The following PTPN12 variants were observed in gnomAD, a reference collection of about 807,000 sequenced individuals.
The protein encoded by PTPN12 is protein tyrosine phosphatase non-receptor type 12, also known as tyrosine-protein phosphatase non-receptor type 12.
In PTPN12, 29 loss-of-function variants were observed where a neutral mutation model predicts 97.6. The ratio of observed to expected loss-of-function variants is 0.30; its 90% CI spans 0.22 to 0.41. PTPN12 has a LOEUF of 0.41. Among genes scored for constraint, PTPN12 ranks in the 10% least tolerant of loss-of-function variants. The probability of loss-of-function intolerance (pLI) is 1.00; values close to 1 mark genes in which losing one functional copy is unlikely to be tolerated. For missense variants in PTPN12, 819 were observed against 926.0 expected (o/e 0.88, Z 1.50); for synonymous variants, 327 against 300.4 (o/e 1.09, Z -0.91).
intron 2 of PTPN12, among the ~76,000 whole-genome samples, chr7:77,578,345 A>G (rs540536505): frequency 2.3e-4 from 35 of 152,184 alleles, no homozygotes; most frequent in Non-Finnish European, 4.9e-4. Context: ...TTGTATGTGT[A>G]TTTCCTATCC....
chr7:77,627,211 C>T lies in PTPN12; in HGVS notation c.1532C>T (p.Pro511Leu), dbSNP rs1390610275. The T allele has an allele frequency of 5.6e-6, 9 of 1,613,990 alleles. No homozygotes were observed. The highest frequency in any genetic ancestry group is 7.6e-6 in the Non-Finnish European group (9 of 1,180,012). Residue 511 changes from proline (P) to leucine (L), a missense_variant, in exon 13 of 18, where the codon CCA becomes CTA. This residue lies in a region of PTPN12 where 607 missense variants were observed against 577.3 expected (regional missense o/e 1.05). Coordinates refer to ENST00000248594, the MANE Select transcript of PTPN12 (RefSeq NM_002835.4). ...TQSNKVSVTP[P>L]EESQNSDTPP... ...TCAAACAAAGTTTCAGTTACTCCAC[C>T]AGAAGAATCCCAGAATTCAGACACA... is the stretch of plus-strand genomic sequence containing the variant.
chr7:77,592,370 A>C (rs1787896613), intron 6 of PTPN12, 114 bp downstream of exon 6: 2 of 850,284 alleles, frequency 2.4e-6, no homozygotes, highest in Admixed American at 3.3e-5. Flanking sequence ...GGACTCACAA[A>C]CCTATGCTTA....
intron 1 of PTPN12, among the ~76,000 whole-genome samples, chr7:77,540,727 T>A (rs1356456473): frequency 6.6e-6 from 1 of 151,896 alleles, no homozygotes; most frequent in African/African-American, 2.4e-5. Flanking sequence ...CTTTTTCCCC[T>A]GACTGGAAGG....
chr7:77,585,257 T>C lies in PTPN12; in HGVS notation c.382-286T>C, dbSNP rs111853248. 763 of 229,622 alleles carry C rather than the reference T, an allele frequency of 3.3e-3. 8 individuals are homozygous for C. The highest frequency in any genetic ancestry group is 0.014 in the African/African-American group (638 of 44,190). The allele number at this position is 229,622 out of a possible 1,614,324, so 14.2% of individuals were successfully genotyped here. ...TCCTAAAAGTGATATTTTAATATAA[T>C]TTCAGAAGTCACAAAGTAAATCTGT... On this transcript the variant is annotated intron_variant, in intron 4 of 17. Transcript: ENST00000248594.
intron 13 of PTPN12, among the ~76,000 whole-genome samples, chr7:77,630,523 A>G (rs1010186901): frequency 3.3e-5 from 5 of 152,242 alleles, no homozygotes; most frequent in Admixed American, 1.3e-4. Context: ...ATACTCAACA[A>G]TTGTAACACA....
chr7:77,571,794 A>G (rs1419769809), intron 2 of PTPN12, among the ~76,000 whole-genome samples: 1 of 151,914 alleles, frequency 6.6e-6, no homozygotes, highest in African/African-American at 2.4e-5. Flanking sequence ...CTGAGCTCAT[A>G]CGATCCTCCC....
chr7:77,617,440 C>G (rs1584198534), intron 11 of PTPN12, among the ~76,000 whole-genome samples: 1 of 152,194 alleles, frequency 6.6e-6, no homozygotes, highest in East Asian at 1.9e-4. Context: ...ATAGGGTGCA[C>G]TTAAAATTGC....
intron 12 of PTPN12, among the ~76,000 whole-genome samples, chr7:77,625,496 T>C (rs1379376165): frequency 9.7e-6 from 1 of 103,506 alleles, no homozygotes; most frequent in Non-Finnish European, 2.0e-5. Context: ...TCTCTCTCTC[T>C]CTCTCTCTCT....
In PTPN12 at chr7:77,592,250, T is replaced by C; in HGVS notation, c.486T>C (p.Ile162=). 6.2e-7 allele frequency: 1 copy of C among 1,607,756 alleles called. No homozygotes were observed. Among genetic ancestry groups the C allele is most frequent in the Non-Finnish European group, 8.5e-7 (1 of 1,177,972 alleles). Residue 162 remains isoleucine, a synonymous_variant, in exon 6 of 18, where the codon ATT becomes ATC. Transcript: ENST00000248594. ...EDPITFAPFK[I]SCEDEQARTD... ...CCATAACGTTTGCACCATTTAAAATTTCTTGTGTAAGTATCCATTTTTGTA... is the reference window on the plus strand; with the variant it reads ...CCATAACGTTTGCACCATTTAAAATCTCTTGTGTAAGTATCCATTTTTGTA...
intron 12 of PTPN12, among the ~76,000 whole-genome samples, chr7:77,623,771 G>A (rs748584573): frequency 5.9e-5 from 9 of 152,112 alleles, no homozygotes; most frequent in East Asian, 1.9e-4. Context: ...CCATGTACAC[G>A]TAGGGAAAAT....
In PTPN12 at chr7:77,638,815, C is replaced by G. The variant is rs183049477; in HGVS notation, c.2281+84C>G. On this transcript the variant is annotated intron_variant, in intron 17 of 17. Transcript: ENST00000248594. ...GCTCATTTGCCATTGTGAAATGACA[C>G]TTGCCAAGAATAAAACATGATTTTC... is the stretch of plus-strand genomic sequence containing the variant. 12,932 of 1,474,628 alleles carry G rather than the reference C, an allele frequency of 8.8e-3. 73 individuals carry two copies. Among genetic ancestry groups the G allele is most frequent in the Non-Finnish European group, 0.01 (11,567 of 1,117,122 alleles). 91.3% of individuals were successfully genotyped at this position (1,474,628 alleles called of 1,614,324 possible).
At chr7:77,551,183 C>T (rs1011452212) in intron 1 of PTPN12, among the ~76,000 whole-genome samples, 2 of 152,172 alleles carry the variant, frequency 1.3e-5, no homozygotes. Flanking sequence ...GCCTCAGCCT[C>T]CCAAGTAGCT....
chr7:77,541,900 T>C (rs1394500112), intron 1 of PTPN12, among the ~76,000 whole-genome samples: 2 of 152,204 alleles, frequency 1.3e-5, no homozygotes, highest in African/African-American at 4.8e-5. Flanking sequence ...AATAGCTAAT[T>C]TGTGGCTGAT....
intron 3 of PTPN12, among the ~76,000 whole-genome samples, chr7:77,582,055 G>A (rs1185386247): frequency 7.1e-6 from 1 of 141,098 alleles, no homozygotes; most frequent in Non-Finnish European, 1.5e-5. Flanking sequence ...CCTTTGTTTG[G>A]ATACCCTTTG....
intron 7 of PTPN12, among the ~76,000 whole-genome samples, chr7:77,598,434 C>G (rs1788089698): frequency 6.6e-6 from 1 of 152,154 alleles, no homozygotes; most frequent in African/African-American, 2.4e-5. Flanking sequence ...TAATCCCCAA[C>G]ACTTTGGGTG....
At chr7:77,627,748 T>A in intron 13 of PTPN12, 73 bp downstream of exon 13, 1 of 1,380,948 alleles carries the variant, frequency 7.2e-7, no homozygotes, top group Non-Finnish European at 9.5e-7. Context: ...TTTAGCTGTA[T>A]TGATTTATTA....
At chr7:77,629,939 C>CA (rs1168132976) in intron 13 of PTPN12, among the ~76,000 whole-genome samples, 33,813 of 98,516 alleles carry the variant, frequency 0.34, 4,821 homozygotes, top group Middle Eastern at 0.41. Flanking sequence ...GACCCTGTCT[C>CA]AAAAAAAAAA....
At chr7:77,542,428 A>G (rs1807023069) in intron 1 of PTPN12, among the ~76,000 whole-genome samples, 1 of 152,214 alleles carries the variant, frequency 6.6e-6, no homozygotes, top group Admixed American at 6.5e-5. Context: ...TAAGAAAGGT[A>G]AACAGTCATT....
chr7:77,564,776 T>TTTTTTTTTTTTTTAG, intron 1 of PTPN12, among the ~76,000 whole-genome samples: 1 of 134,170 alleles, frequency 7.5e-6, no homozygotes. Flanking sequence ...TTTTTTTTTT[T>TTTTTTTTTTTTTTAG]GAGACGGAAT....
Sources: allele counts gnomAD v4.1 joint callset (sites outside exome capture counted in the v4.1 genomes callset), GRCh38; gene constraint gnomAD v4.1.1; regional missense constraint gnomAD v4.1.1; transcripts MANE v1.5; gene names NCBI Gene and HGNC (gene_info 2026-07-23, HGNC 2026-07-21).